Variants in PCDHAC2 observed in about 807,000 individuals in gnomAD.
PCDHAC2 encodes the protein protocadherin alpha subfamily C, 2.
In PCDHAC2, 24 loss-of-function variants were observed where a neutral mutation model predicts 63.3. The ratio of observed to expected loss-of-function variants is 0.38; its 90% confidence interval spans 0.27 to 0.53. PCDHAC2 has a LOEUF of 0.53. Among genes scored for constraint, PCDHAC2 ranks in the 20% least tolerant of loss-of-function variants. The pLI, the probability that PCDHAC2 is intolerant of heterozygous loss-of-function variation, is 0.81. For synonymous variants in PCDHAC2, 569 were observed against 529.4 expected, an observed-to-expected ratio of 1.07 and a Z score of -1.03; for missense variants, 1,181 against 1,275.2, an observed-to-expected ratio of 0.93 and a Z score of 1.12.
Position 140,966,941 on chromosome 5 carries a change from G to C in PCDHAC2, c.175G>C (p.Gly59Arg), listed in dbSNP as rs1554228938. ...GGAGCAGGCACCCGGCGCGCTCGTG[G>C]GCAACGTGGCTCGCGCGCTGGGGCT... is the stretch of plus-strand genomic sequence containing the variant. ...PEEQAPGALV[G>R]NVARALGLEL... Residue 59 changes from glycine (G) to arginine (R), a missense_variant, in exon 1 of 4, where the codon GGC becomes CGC. This residue lies in a region of PCDHAC2 where 210 missense variants were observed against 184.9 expected (regional missense o/e 1.14). Coordinates refer to ENST00000289269, the MANE Select transcript of PCDHAC2 (RefSeq NM_018899.6). The C allele has an allele frequency of 1.9e-6, 3 of 1,604,498 alleles. No homozygotes were observed. Among genetic ancestry groups the C allele is most frequent in the Non-Finnish European group, 2.5e-6 (3 of 1,178,702 alleles).
In PCDHAC2 at chr5:140,995,657, A is replaced by C. The variant is rs188298109; in HGVS notation, c.2713+13094A>C. Among the ~76,000 whole-genome samples, 56 of 152,328 alleles carry C rather than the reference A, an allele frequency of 3.7e-4. No homozygotes were observed. The East Asian group carries it at 7.7e-3, about 21-fold the overall frequency. Reference sequence around the variant, plus strand: ...AGTGTTTAGAAAAGGAGAATCGAAAAGGGAAGTAAATGCAGCATTTTTTTT... The same window carrying C: ...AGTGTTTAGAAAAGGAGAATCGAAACGGGAAGTAAATGCAGCATTTTTTTT... On this transcript the variant is annotated intron_variant, in intron 3 of 3. Coordinates refer to ENST00000289269, the MANE Select transcript of PCDHAC2 (RefSeq NM_018899.6).
chr5:140,967,577 C>G lies in PCDHAC2; in HGVS notation c.811C>G (p.Pro271Ala), dbSNP rs141338011. 2 of 1,614,016 alleles carry G rather than the reference C, an allele frequency of 1.2e-6. No individual in the cohort carries two copies. The highest frequency in any genetic ancestry group is 1.7e-6 in the Non-Finnish European group (2 of 1,180,044). The change falls in exon 1 of 4, where the codon CCC becomes GCC. Residue 271 changes from proline (P) to alanine (A), a missense_variant. Coordinates refer to ENST00000289269, the MANE Select transcript of PCDHAC2 (RefSeq NM_018899.6). Reference sequence around the variant, plus strand: ...TCGCGTCCAGCTACGGGAGGACTCACCCCCAGGCACATTGGTGGTGAAGCT... The same window carrying G: ...TCGCGTCCAGCTACGGGAGGACTCAGCCCCAGGCACATTGGTGGTGAAGCT... ...TYRVQLREDS[P>A]PGTLVVKLNA...
At chr5:140,996,811 A>G (rs2097746792) in intron 3 of PCDHAC2, among the ~76,000 whole-genome samples, 1 of 152,212 alleles carries the variant, frequency 6.6e-6, no homozygotes, top group African/African-American at 2.4e-5. Flanking sequence ...ATGCTTTCCA[A>G]AAGTAACCAC....
intron 3 of PCDHAC2, among the ~76,000 whole-genome samples, chr5:141,006,466 G>T (rs2153987717): frequency 6.6e-6 from 1 of 152,178 alleles, no homozygotes; most frequent in South Asian, 2.1e-4. Context: ...GCCTGTCTCG[G>T]CCTCCCAAAG....
rs200161334 is a variant in PCDHAC2, at chr5:140,967,904, C to T, written c.1138C>T (p.Pro380Ser). ...LYSPVPENAT[P>S]NTIVAVLSVN... ...TAGCCCAGTGCCTGAGAATGCTACACCCAACACCATTGTGGCCGTTCTCAG... is the reference window on the plus strand; with the variant it reads ...TAGCCCAGTGCCTGAGAATGCTACATCCAACACCATTGTGGCCGTTCTCAG... The change falls in exon 1 of 4, where the codon CCC (proline) becomes TCC (serine). Residue 380 changes from proline to serine, a missense_variant. Around this residue, in one of 3 missense-constraint regions of PCDHAC2, gnomAD observed 968 missense variants for 1,073.5 expected, o/e 0.90. Coordinates refer to ENST00000289269, the MANE Select transcript of PCDHAC2 (RefSeq NM_018899.6). The T allele has an allele frequency of 3.3e-5, 53 of 1,614,164 alleles. No individual in the cohort carries two copies. In the East Asian group the frequency reaches 9.1e-4, roughly 28 times the overall value.
At position 140,982,579 on chromosome 5, in the gene PCDHAC2, C is replaced by G. The variant is rs781915481; in HGVS notation, c.2713+16C>G. 7 of 1,612,084 alleles carry G rather than the reference C, an allele frequency of 4.3e-6. No individual in the cohort carries two copies. In the Admixed American group the frequency reaches 1.2e-4, roughly 27 times the overall value. On this transcript the variant is annotated intron_variant, in intron 3 of 3. Coordinates refer to ENST00000289269, the MANE Select transcript of PCDHAC2 (RefSeq NM_018899.6). ...GCAACACCAGGTAAAGAGCTGGGGT[C>G]TCTCCATTCTTTCTTGGTTTCTGGA...
chr5:141,010,201 C>A lies in PCDHAC2; in HGVS notation c.*264C>A, dbSNP rs782495760. On this transcript the variant is annotated 3_prime_UTR_variant, in exon 4 of 4. Transcript: ENST00000289269. ...GCAGACCCAAGTTTCCTTTCTCCTC[C>A]GCCGCAAAGGAGAGGCTTCCCAGCC... 5.0e-5 allele frequency: 77 copies of A among 1,551,916 alleles called. No individual in the cohort carries two copies. The highest frequency in any genetic ancestry group is 6.1e-5 in the Non-Finnish European group (70 of 1,147,084).
At chr5:140,991,782 C>A (rs1257930918) in intron 3 of PCDHAC2, among the ~76,000 whole-genome samples, 1 of 152,158 alleles carries the variant, frequency 6.6e-6, no homozygotes, top group Non-Finnish European at 1.5e-5. Flanking sequence ...AGACTCTGCC[C>A]ATTTCCCAAT....
intron 1 of PCDHAC2, among the ~76,000 whole-genome samples, chr5:140,972,955 C>T (rs1450892735): frequency 6.6e-6 from 1 of 152,080 alleles, no homozygotes; most frequent in African/African-American, 2.4e-5. Context: ...AGCCACCATG[C>T]CCGGCAAAGG....
rs1213232834 is a variant in PCDHAC2, at chr5:140,967,769, G to A, written c.1003G>A (p.Val335Met). The A allele has an allele frequency of 6.2e-7, 1 of 1,614,104 alleles. No homozygotes were observed. Among genetic ancestry groups the A allele is most frequent in the Non-Finnish European group, 8.5e-7 (1 of 1,180,044 alleles). The change falls in exon 1 of 4, where the codon GTG (valine) becomes ATG (methionine). Residue 335 changes from valine to methionine, a missense_variant. Val to Met is a conservative substitution (Grantham distance 21). Around this residue, in one of 3 missense-constraint regions of PCDHAC2, gnomAD observed 968 missense variants for 1,073.5 expected, o/e 0.90. Coordinates refer to ENST00000289269, the MANE Select transcript of PCDHAC2 (RefSeq NM_018899.6). Reference sequence around the variant, plus strand: ...GGAAGCCTCCTCCTACCAGATCTATGTGCAGGCGACTGACCGGGGTCCAGT... The same window carrying A: ...GGAAGCCTCCTCCTACCAGATCTATATGCAGGCGACTGACCGGGGTCCAGT... ...YEEASSYQIY[V>M]QATDRGPVPM...
At chr5:140,982,824 G>GGTTT (rs74513655) in intron 3 of PCDHAC2, among the ~76,000 whole-genome samples, 1 of 151,942 alleles carries the variant, frequency 6.6e-6, no homozygotes, top group African/African-American at 2.4e-5. Context: ...AAGTTTTTGG[G>GGTTT]GTTTGTTTGT....
At chr5:140,973,088 A>G (rs2096571573) in intron 1 of PCDHAC2, among the ~76,000 whole-genome samples, 4 of 152,204 alleles carry the variant, frequency 2.6e-5, no homozygotes, top group African/African-American at 7.2e-5. Flanking sequence ...CTGGCACAAC[A>G]TGTAGAAATT....
rs145391750 is a variant in PCDHAC2, at chr5:140,989,649, A to G, written c.2713+7086A>G. On this transcript the variant is annotated intron_variant, in intron 3 of 3. Coordinates refer to ENST00000289269, the MANE Select transcript of PCDHAC2 (RefSeq NM_018899.6). ...GTGACAGCAAGGGTCTTTCATGGCA[A>G]TATTTTAAAAGAAACTCTGCCCAGA... 1.8e-3 allele frequency among the ~76,000 whole-genome samples: 268 copies of G among 152,316 alleles called. 1 individual carries two copies. The highest frequency in any genetic ancestry group is 6.3e-3 in the African/African-American group (263 of 41,564).
At chr5:140,993,569 A>G (rs1311165766) in intron 3 of PCDHAC2, among the ~76,000 whole-genome samples, 1 of 151,734 alleles carries the variant, frequency 6.6e-6, no homozygotes, top group East Asian at 1.9e-4. Flanking sequence ...TATCCTTTCT[A>G]GGGATGCTTT....
intron 1 of PCDHAC2, among the ~76,000 whole-genome samples, chr5:140,974,053 T>C (rs529581642): frequency 6.6e-6 from 1 of 152,346 alleles, no homozygotes; most frequent in African/African-American, 2.4e-5. Flanking sequence ...TATGATAATA[T>C]TTGGAGCAGT....
At chr5:140,982,935 T>C (rs2097016879) in intron 3 of PCDHAC2, among the ~76,000 whole-genome samples, 2 of 151,876 alleles carry the variant, frequency 1.3e-5, no homozygotes, top group African/African-American at 4.9e-5. Context: ...ACAAAGATCT[T>C]TTGGTTGAAG....
chr5:140,966,889 C>T lies in PCDHAC2; in HGVS notation c.123C>T (p.Ala41=). The T allele has an allele frequency of 6.3e-7, 1 of 1,593,902 alleles. No homozygotes were observed. Among genetic ancestry groups the T allele is most frequent in the Non-Finnish European group, 8.5e-7 (1 of 1,173,878 alleles). The change falls in exon 1 of 4, where the codon GCC becomes GCT. Residue 41 remains alanine, a synonymous_variant. Transcript: ENST00000289269. The part of the protein sequence containing the change: ...LLLLLLPGPA[A]SQLRYSVPEE... ...TGCTGCTGCTACCTGGCCCTGCGGC[C>T]TCCCAGCTGCGATACTCTGTGCCAG...
chr5:140,977,720 A>C (rs1156806702), intron 1 of PCDHAC2, among the ~76,000 whole-genome samples: 1 of 152,202 alleles, frequency 6.6e-6, no homozygotes, highest in African/African-American at 2.4e-5. Flanking sequence ...GATGGTGATC[A>C]TTTCTCTCCT....
At chr5:140,994,704 C>CA (rs1294993555) in intron 3 of PCDHAC2, among the ~76,000 whole-genome samples, 3 of 150,616 alleles carry the variant, frequency 2.0e-5, no homozygotes, top group African/African-American at 4.9e-5. Flanking sequence ...GACCCTGTCT[C>CA]AAAAAAAAAT....
Sources: allele counts gnomAD v4.1 joint callset (sites outside exome capture counted in the v4.1 genomes callset), GRCh38; gene constraint gnomAD v4.1.1; regional missense constraint gnomAD v4.1.1; transcripts MANE v1.5; gene names NCBI Gene and HGNC (gene_info 2026-07-23, HGNC 2026-07-21).